SRRM1: variants seen among roughly 807,000 people sequenced by gnomAD.
SRRM1 encodes serine/arginine repetitive matrix protein 1.
Under a neutral mutation model 110.2 loss-of-function variants are expected in SRRM1, and 19 were observed. That is an observed-to-expected ratio of 0.17 (90% CI 0.12 to 0.25). SRRM1 has a LOEUF of 0.25. Ranked by LOEUF, SRRM1 falls within the 10% of genes least tolerant of loss-of-function variation. The pLI is 1.00. For missense variants in SRRM1, 918 were observed against 1,145.8 expected, an observed-to-expected ratio of 0.80 and a Z score of 2.87; for synonymous variants, 443 against 414.9, an observed-to-expected ratio of 1.07 and a Z score of -0.82.
At chr1:24,651,282 T>G in intron 5 of SRRM1, 127 bp from the exon 6 acceptor site, 1 of 745,444 alleles carries the variant, frequency 1.3e-6, no homozygotes, top group South Asian at 1.9e-5. Context: ...GCATGTCTTA[T>G]TTCCATAGGG....
intron 8 of SRRM1, 147 bp from the exon 9 acceptor site, chr1:24,654,708 C>T (rs935661716): frequency 1.4e-4 from 128 of 916,826 alleles, no homozygotes; most frequent in Non-Finnish European, 2.0e-4. Flanking sequence ...GGTTTTTTCC[C>T]CCATTCTTTT....
Position 24,670,236 on chromosome 1 carries a change from A to C in SRRM1, c.2321A>C (p.Gln774Pro). The C allele has an allele frequency of 2.5e-6, 4 of 1,614,100 alleles. No individual in the cohort carries two copies. Among genetic ancestry groups the C allele is most frequent in the South Asian group, 1.1e-5 (1 of 91,078 alleles). Reference protein sequence around the residue: ...PPAPPSPVQSQSPSTNWSPAV... With the variant: ...PPAPPSPVQSPSPSTNWSPAV... ...GCACCTCCATCCCCCGTCCAGTCTC[A>C]GTCACCGTCTACAAACTGGTCACCA... Residue 774 changes from glutamine to proline, a missense_variant, in exon 15 of 17, where the codon CAG becomes CCG. By Grantham distance (76) the Gln-to-Pro change is moderately conservative. Coordinates refer to ENST00000323848, the MANE Select transcript of SRRM1 (RefSeq NM_005839.4).
At chr1:24,661,669 C>T (rs893425701) in intron 11 of SRRM1, among the ~76,000 whole-genome samples, 6 of 152,102 alleles carry the variant, frequency 3.9e-5, no homozygotes, top group Non-Finnish European at 7.4e-5. Context: ...TTCCAACCTC[C>T]TAAAGCTTTT....
At chr1:24,670,390 T>A in intron 15 of SRRM1, 75 bp downstream of exon 15, 1 of 1,401,612 alleles carries the variant, frequency 7.1e-7, no homozygotes, top group Non-Finnish European at 9.6e-7. Context: ...AAAATGTCAT[T>A]GGGGCATTAA....
At chr1:24,657,090 C>T (rs920963617) in intron 9 of SRRM1, among the ~76,000 whole-genome samples, 7 of 152,104 alleles carry the variant, frequency 4.6e-5, no homozygotes, top group East Asian at 1.9e-4. Flanking sequence ...CCCACCACCC[C>T]GCTAAATAGA....
In SRRM1 at chr1:24,663,981, AGC is replaced by A. The variant is rs1428097894; in HGVS notation, c.1628+1178_1628+1179del. Among the ~76,000 whole-genome samples the A allele has an allele frequency of 7.7e-4, 111 of 144,608 alleles. 2 individuals carry two copies. Among genetic ancestry groups the A allele is most frequent in the African/African-American group, 2.7e-3 (106 of 38,548 alleles). The allele number at this position is 144,608 out of a possible 152,430, so 94.9% of individuals were successfully genotyped here. A position where few individuals can be genotyped will look rare whatever the true frequency, so the allele number is the denominator to read the frequency against. On this transcript the variant is annotated intron_variant, in intron 12 of 16. Coordinates refer to ENST00000323848, the MANE Select transcript of SRRM1 (RefSeq NM_005839.4). The stretch of plus-strand genomic sequence containing the variant: ...CCAGTACTAGAAAGGTGGGTTGCAT[AGC>A]TCTCTTTTTTTTTTTTTTTTTTTTT...
rs371567588 is a variant in SRRM1, at chr1:24,660,669, A to G, written c.1316-50A>G. ...AAAAATTAAAAGAAAAGCATCTTGT[A>G]TAGACCTTTTTTTGTACGTAAGCTT... On this transcript the variant is annotated intron_variant, in intron 9 of 16. Transcript: ENST00000323848. 6.2e-4 allele frequency: 602 copies of G among 972,726 alleles called. 1 individual carries two copies. Among genetic ancestry groups the G allele is most frequent in the Admixed American group, 1.1e-3 (44 of 40,540 alleles). 60.3% of individuals were successfully genotyped at this position (972,726 alleles called of 1,614,324 possible). A position where few individuals can be genotyped will look rare whatever the true frequency, so the allele number is the denominator to read the frequency against.
intron 9 of SRRM1, among the ~76,000 whole-genome samples, chr1:24,655,401 A>G (rs1343716193): frequency 6.6e-6 from 1 of 152,194 alleles, no homozygotes; most frequent in Non-Finnish European, 1.5e-5. Flanking sequence ...GAGTTGGGGT[A>G]ACATATCAAA....
At chr1:24,666,372 T>C (rs1669985815) in intron 12 of SRRM1, among the ~76,000 whole-genome samples, 1 of 152,234 alleles carries the variant, frequency 6.6e-6, no homozygotes, top group African/African-American at 2.4e-5. Context: ...TGAAAAACAC[T>C]GTTCTGAAAC....
At position 24,655,045 on chromosome 1, in the gene SRRM1, A is replaced by G; in HGVS notation, c.1231A>G (p.Thr411Ala). Residue 411 changes from threonine to alanine, a missense_variant, in exon 9 of 17, where the codon ACT becomes GCT. Physicochemically the swap from Thr to Ala is moderately conservative, Grantham distance 58. Coordinates refer to ENST00000323848, the MANE Select transcript of SRRM1 (RefSeq NM_005839.4). ...ACCTCCTGCAACTCCACCACCCAAA[A>G]CTCGGCATTCCCCTACACCCCAGCA... ...PSPPATPPPKTRHSPTPQQSN... is the reference protein window; with the variant it reads ...PSPPATPPPKARHSPTPQQSN... 6.2e-7 allele frequency: 1 copy of G among 1,613,978 alleles called. No homozygotes were observed. The highest frequency in any genetic ancestry group is 1.3e-5 in the African/African-American group (1 of 74,954).
chr1:24,650,038 A>G lies in SRRM1; in HGVS notation c.473A>G (p.Glu158Gly). ...DEDKDKRDKE[E>G]KESSREKRER... ...GACAAAGATAAAAGAGATAAGGAAG[A>G]AAAAGAAAGCAGCAGAGAAAAAAGG... Residue 158 changes from glutamate to glycine, a missense_variant, in exon 5 of 17, where the codon GAA becomes GGA. By Grantham distance (98) the Glu-to-Gly change is moderately conservative. Coordinates refer to ENST00000323848, the MANE Select transcript of SRRM1 (RefSeq NM_005839.4). The G allele has an allele frequency of 2.5e-6, 4 of 1,597,644 alleles. No individual in the cohort carries two copies. Among genetic ancestry groups the G allele is most frequent in the Non-Finnish European group, 3.4e-6 (4 of 1,171,788 alleles).
intron 9 of SRRM1, among the ~76,000 whole-genome samples, chr1:24,657,993 T>G (rs903395770): frequency 5.3e-5 from 8 of 152,170 alleles, no homozygotes; most frequent in African/African-American, 1.9e-4. Flanking sequence ...AATTTAAAAT[T>G]GTGGTTTTAA....
chr1:24,663,190 A>G (rs758755499), intron 12 of SRRM1: 27 of 1,516,728 alleles, frequency 1.8e-5, no homozygotes, highest in Non-Finnish European at 2.4e-5. Flanking sequence ...CAGGATGCAG[A>G]TGGGAAAGCG....
intron 10 of SRRM1, 97 bp downstream of exon 10, chr1:24,660,896 C>T: frequency 1.2e-6 from 1 of 814,422 alleles, no homozygotes; most frequent in Non-Finnish European, 2.0e-6. Context: ...TCCCCTTCTG[C>T]TTGAAGATTA....
chr1:24,665,581 C>T (rs1199898087), intron 12 of SRRM1, among the ~76,000 whole-genome samples: 9 of 151,792 alleles, frequency 5.9e-5, no homozygotes, highest in African/African-American at 1.5e-4. Flanking sequence ...GGTGTGGTGG[C>T]GGGCACCTGT....
rs915600273 is a variant in SRRM1 at position 24,663,989 on chromosome 1, T to C, written c.1628+1185T>C. 8.3e-4 allele frequency among the ~76,000 whole-genome samples: 92 copies of C among 111,144 alleles called. 2 individuals carry two copies. The highest frequency in any genetic ancestry group is 2.7e-3 in the African/African-American group (61 of 22,702). 72.9% of individuals were successfully genotyped at this position (111,144 alleles called of 152,430 possible). On this transcript the variant is annotated intron_variant, in intron 12 of 16. Coordinates refer to ENST00000323848, the MANE Select transcript of SRRM1 (RefSeq NM_005839.4). ...AGAAAGGTGGGTTGCATAGCTCTCT[T>C]TTTTTTTTTTTTTTTTTTTTTGTTG...
At chr1:24,659,774 C>T (rs563629832) in intron 9 of SRRM1, among the ~76,000 whole-genome samples, 123 of 152,262 alleles carry the variant, frequency 8.1e-4, no homozygotes, top group Middle Eastern at 3.4e-3. Flanking sequence ...TCTAATACAG[C>T]AGGCTTACAA....
At chr1:24,659,805 A>G (rs549051379) in intron 9 of SRRM1, among the ~76,000 whole-genome samples, 1 of 151,006 alleles carries the variant, frequency 6.6e-6, no homozygotes, top group Non-Finnish European at 1.5e-5. Context: ...CCATATTTCT[A>G]TGTTATTGGT....
In SRRM1 at chr1:24,663,371, A is replaced by AT. The variant is rs201581694; in HGVS notation, c.1628+575dup. ...GATCCTAAGTTGTTTTGGTTTGAGTATTTTTTTTAACACATTAGATTAATG... is the reference window on the plus strand; with the variant it reads ...GATCCTAAGTTGTTTTGGTTTGAGTATTTTTTTTTAACACATTAGATTAATG... On this transcript the variant is annotated intron_variant, in intron 12 of 16. Coordinates refer to ENST00000323848, the MANE Select transcript of SRRM1 (RefSeq NM_005839.4). 2.7e-3 allele frequency: 1,381 copies of AT among 512,356 alleles called. 14 individuals carry two copies. Among genetic ancestry groups the AT allele is most frequent in the African/African-American group, 0.021 (1,062 of 51,384 alleles). The allele number at this position is 512,356 out of a possible 1,614,324, so 31.7% of individuals were successfully genotyped here.
Sources: gnomAD v4.1 joint callset for allele counts (sites outside exome capture counted in the v4.1 genomes callset) on GRCh38, gnomAD v4.1.1 for gene constraint, MANE v1.5 for transcripts, NCBI Gene and HGNC (gene_info 2026-07-23, HGNC 2026-07-21) for gene names.